The following MARCHF1 variants were observed in gnomAD, a reference collection of about 807,000 sequenced individuals.
MARCHF1 encodes membrane associated ring-CH-type finger 1, also known as E3 ubiquitin-protein ligase MARCHF1.
Under a neutral mutation model 54.2 loss-of-function variants are expected in MARCHF1, and 40 were observed. That is an observed-to-expected ratio of 0.74 (90% CI 0.57 to 0.96). The LOEUF is 0.96. Ranked by LOEUF, MARCHF1 falls within the 40% of genes least tolerant of loss-of-function variation. The pLI is 0.00. For missense variants in MARCHF1, 586 were observed against 656.5 expected (o/e 0.89, Z 1.17); for synonymous variants, 236 against 236.3 (o/e 1.00, Z 0.01).
intron 5 of MARCHF1, among the ~76,000 whole-genome samples, chr4:163,631,713 T>C (rs2110993948): frequency 6.6e-6 from 1 of 152,294 alleles, no homozygotes; most frequent in East Asian, 1.9e-4. Flanking sequence ...AAGAAACTCC[T>C]AGAAGAAAAA....
At chr4:164,293,355 A>G (rs952624195) in intron 1 of MARCHF1, among the ~76,000 whole-genome samples, 49 of 152,182 alleles carry the variant, frequency 3.2e-4, no homozygotes, top group African/African-American at 1.1e-3. Context: ...TATAAGGCAA[A>G]TGCCTCACAA....
intron 3 of MARCHF1, among the ~76,000 whole-genome samples, chr4:163,876,059 CTCTT>C (rs1203140825): frequency 1.3e-5 from 2 of 152,222 alleles, no homozygotes; most frequent in East Asian, 3.9e-4. Flanking sequence ...TAGACACAAT[CTCTT>C]TATTTTAAAA....
chr4:163,721,962 G>T (rs573024138), intron 4 of MARCHF1, among the ~76,000 whole-genome samples: 1 of 151,954 alleles, frequency 6.6e-6, no homozygotes, highest in East Asian at 1.9e-4. Flanking sequence ...CAATTTTGTT[G>T]ATCGTTTCAA....
At chr4:164,161,532 A>G (rs916825877) in intron 1 of MARCHF1, among the ~76,000 whole-genome samples, 1 of 150,010 alleles carries the variant, frequency 6.7e-6, no homozygotes, top group South Asian at 2.1e-4. Context: ...CAAAATCATC[A>G]TCATCATCAT....
At chr4:163,532,091 A>G (rs979352550) in intron 9 of MARCHF1, among the ~76,000 whole-genome samples, 8 of 151,884 alleles carry the variant, frequency 5.3e-5, no homozygotes, top group Non-Finnish European at 8.8e-5. Context: ...GATATTGACA[A>G]ACTGATTCTA....
intron 3 of MARCHF1, among the ~76,000 whole-genome samples, chr4:163,905,956 T>C (rs7691674): frequency 0.98 from 149,621 of 152,190 alleles, 73,608 homozygotes; most frequent in Middle Eastern, 1. Context: ...TGTTTCCATA[T>C]ATTTCTCTGT....
At chr4:164,136,515 C>A (rs926074416) in intron 1 of MARCHF1, among the ~76,000 whole-genome samples, 1 of 152,138 alleles carries the variant, frequency 6.6e-6, no homozygotes. Context: ...CTCAGGGGCT[C>A]AGCAGAGCCG....
chr4:164,091,448 G>A (rs923184087), intron 2 of MARCHF1, among the ~76,000 whole-genome samples: 14 of 129,656 alleles, frequency 1.1e-4, no homozygotes, highest in East Asian at 2.2e-4. Context: ...TGAATTGCAC[G>A]CAGTTAATAT....
chr4:164,041,347 T>C lies in MARCHF1; in HGVS notation c.-247-52638A>G, dbSNP rs148829420. Among the ~76,000 whole-genome samples, 45 of 152,276 alleles carry C rather than the reference T, an allele frequency of 3.0e-4. No individual in the cohort carries two copies. The East Asian group carries it at 8.1e-3, about 27-fold the overall frequency. On this transcript the variant is annotated intron_variant, in intron 2 of 9. Coordinates refer to ENST00000514618, the MANE Select transcript of MARCHF1 (RefSeq NM_001394959.1). ...CCACCATAGCATTATATCTAGACTT[T>C]TTATTATAGCATTAGCATTTCTATC...
intron 4 of MARCHF1, among the ~76,000 whole-genome samples, chr4:163,763,055 G>T (rs551463945): frequency 6.6e-6 from 1 of 152,026 alleles, no homozygotes; most frequent in East Asian, 1.9e-4. Context: ...CTTTTTATAC[G>T]TGTAGTAAAA....
intron 1 of MARCHF1, among the ~76,000 whole-genome samples, chr4:164,112,933 A>G (rs11735194): frequency 0.21 from 31,386 of 150,600 alleles, 4,248 homozygotes; most frequent in Non-Finnish European, 0.3. Flanking sequence ...TTTTTAAATA[A>G]ATTATGTATT....
At chr4:164,087,652 A>C (rs1171620030) in intron 2 of MARCHF1, among the ~76,000 whole-genome samples, 1 of 152,202 alleles carries the variant, frequency 6.6e-6, no homozygotes, top group African/African-American at 2.4e-5. Flanking sequence ...TGCCAATTCC[A>C]TCTTCATCCC....
At chr4:163,671,627 A>G (rs923172522) in intron 5 of MARCHF1, among the ~76,000 whole-genome samples, 2 of 152,096 alleles carry the variant, frequency 1.3e-5, no homozygotes, top group Non-Finnish European at 2.9e-5. Flanking sequence ...GTTAATTTTT[A>G]GTTTAATTCC....
chr4:164,318,283 T>C (rs902277659), intron 1 of MARCHF1, among the ~76,000 whole-genome samples: 1 of 151,998 alleles, frequency 6.6e-6, no homozygotes, highest in African/African-American at 2.4e-5. Context: ...ATCATGCAGG[T>C]GATAGCCAAA....
At chr4:164,355,945 A>G (rs1034848043) in intron 1 of MARCHF1, among the ~76,000 whole-genome samples, 15 of 123,072 alleles carry the variant, frequency 1.2e-4, no homozygotes, top group Non-Finnish European at 2.2e-4. Context: ...CCCATCAAAA[A>G]GTGGGCGAAG....
chr4:164,028,061 G>C (rs1210480248), intron 2 of MARCHF1, among the ~76,000 whole-genome samples: 1 of 151,976 alleles, frequency 6.6e-6, no homozygotes, highest in Non-Finnish European at 1.5e-5. Context: ...TTATTAAAAA[G>C]TCAAAAATAA....
chr4:163,799,585 G>C (rs1748020704), intron 4 of MARCHF1, among the ~76,000 whole-genome samples: 1 of 152,078 alleles, frequency 6.6e-6, no homozygotes. Flanking sequence ...ACAAATATTT[G>C]ACAGTTCTCA....
intron 2 of MARCHF1, among the ~76,000 whole-genome samples, chr4:164,084,793 A>C (rs1755162860): frequency 6.6e-6 from 1 of 151,812 alleles, no homozygotes; most frequent in Non-Finnish European, 1.5e-5. Flanking sequence ...GTAAGATTCA[A>C]CTTGTTTAGC....
At chr4:163,621,115 A>G (rs568581984) in intron 5 of MARCHF1, among the ~76,000 whole-genome samples, 31 of 152,328 alleles carry the variant, frequency 2.0e-4, no homozygotes, top group African/African-American at 7.5e-4. Context: ...TTGATCTGAT[A>G]ACTGTTTTGT....
Sources: allele counts gnomAD v4.1 joint callset (sites outside exome capture counted in the v4.1 genomes callset), GRCh38; gene constraint gnomAD v4.1.1; transcripts MANE v1.5; gene names NCBI Gene and HGNC (gene_info 2026-07-23, HGNC 2026-07-21).